PPARGC1B: variants seen among roughly 807,000 people sequenced by gnomAD.
PPARGC1B encodes the protein peroxisome proliferator-activated receptor gamma coactivator 1-beta.
Under a neutral mutation model 101.6 loss-of-function variants are expected in PPARGC1B, and 34 were observed. The ratio of observed to expected loss-of-function variants is 0.33; its 90% CI spans 0.25 to 0.45. PPARGC1B has a LOEUF of 0.45. Among genes scored for constraint, PPARGC1B ranks in the 20% least tolerant of loss-of-function variants. The pLI is 1.00. For synonymous variants in PPARGC1B, 548 were observed against 539.3 expected, an observed-to-expected ratio of 1.02 and a Z score of -0.22; for missense variants, 1,234 against 1,317.6, an observed-to-expected ratio of 0.94 and a Z score of 0.98.
downstream of PPARGC1B, among the ~76,000 whole-genome samples, chr5:149,857,451 G>A (rs185181358): frequency 3.5e-4 from 53 of 152,324 alleles, no homozygotes; most frequent in African/African-American, 1.0e-3. Context: ...ATCAATGCCC[G>A]TGTGTTCCTG....
At chr5:149,761,717 G>A (rs1227879556) in intron 1 of PPARGC1B, 1 of 152,140 alleles carries the variant, frequency 6.6e-6, no homozygotes, top group African/African-American at 2.4e-5. Flanking sequence ...AGTGAAATGA[G>A]CCAGATGCAG....
intron 1 of PPARGC1B, among the ~76,000 whole-genome samples, chr5:149,747,804 G>T (rs890141053): frequency 2.6e-5 from 4 of 152,222 alleles, no homozygotes; most frequent in Non-Finnish European, 4.4e-5. Context: ...CCCTGGTGGG[G>T]TGGGGGTGGA....
At chr5:149,810,426 C>T (rs750981454) in intron 1 of PPARGC1B, among the ~76,000 whole-genome samples, 12 of 152,128 alleles carry the variant, frequency 7.9e-5, no homozygotes, top group East Asian at 7.7e-4. Context: ...TAGCTGACCT[C>T]GGTGCTGAAG....
chr5:149,746,981 T>C (rs540793679), intron 1 of PPARGC1B, among the ~76,000 whole-genome samples: 9 of 152,336 alleles, frequency 5.9e-5, no homozygotes, highest in African/African-American at 2.2e-4. Context: ...TTTAGTTCTC[T>C]TTACATTTGA....
intron 1 of PPARGC1B, among the ~76,000 whole-genome samples, chr5:149,749,509 G>C (rs1755211042): frequency 6.6e-6 from 1 of 152,164 alleles, no homozygotes; most frequent in South Asian, 2.1e-4. Context: ...TCTTTTTGGA[G>C]CAATGATCTC....
chr5:149,759,084 T>C (rs925972984), intron 1 of PPARGC1B, among the ~76,000 whole-genome samples: 2 of 152,214 alleles, frequency 1.3e-5, no homozygotes. Context: ...CACATATTTA[T>C]TTTTCCTTTA....
At chr5:149,800,927 G>A (rs1468719675) in intron 1 of PPARGC1B, among the ~76,000 whole-genome samples, 2 of 152,238 alleles carry the variant, frequency 1.3e-5, no homozygotes, top group African/African-American at 2.4e-5. Context: ...CGCCTCCCTT[G>A]GCCATGACCC....
intron 1 of PPARGC1B, among the ~76,000 whole-genome samples, chr5:149,810,134 C>G (rs945114657): frequency 9.9e-5 from 15 of 152,198 alleles, no homozygotes; most frequent in African/African-American, 3.6e-4. Flanking sequence ...CAACATGTAC[C>G]TGTACATCAT....
chr5:149,745,986 G>A (rs958364033), intron 1 of PPARGC1B, among the ~76,000 whole-genome samples: 35 of 152,274 alleles, frequency 2.3e-4, no homozygotes, highest in African/African-American at 7.9e-4. Flanking sequence ...GATGTATCAG[G>A]CCCCTTAAAG....
rs1444329104 is a variant in PPARGC1B, at chr5:149,832,715, A to G, written c.642A>G (p.Thr214=). Residue 214 remains threonine (T), a synonymous_variant, in exon 5 of 12, where the codon ACA becomes ACG. Transcript: ENST00000309241. This position sits in a 1 kb window ranked among gnomAD's most constrained non-coding sequence, Gnocchi z 4.9. ...PMMQSQSRSC[T]ELHKHLTSAQ... is the part of the protein sequence containing the mutation. ...TGCAGTCTCAGAGCCGAAGTTGTAC[A>G]GAACTACATAAGCACCTCACCTCGG... is the stretch of plus-strand genomic sequence containing the variant. 4 of 1,587,344 alleles carry G rather than the reference A, an allele frequency of 2.5e-6. No homozygotes were observed. Among genetic ancestry groups the G allele is most frequent in the African/African-American group, 1.4e-5 (1 of 73,974 alleles).
chr5:149,843,632 C>G (rs1759435371), intron 10 of PPARGC1B, among the ~76,000 whole-genome samples: 1 of 152,166 alleles, frequency 6.6e-6, no homozygotes, highest in Non-Finnish European at 1.5e-5. Flanking sequence ...CCAGCCATTC[C>G]ACTTACGGGT....
rs1231996831 is a variant in PPARGC1B at position 149,849,364 on chromosome 5, C to T, written c.*1806C>T. The T allele has an allele frequency of 6.6e-6, 1 of 152,232 alleles. No individual in the cohort carries two copies. The highest frequency in any genetic ancestry group is 1.5e-5 in the Non-Finnish European group (1 of 68,036). 9.4% of individuals were successfully genotyped at this position (152,232 alleles called of 1,614,324 possible). On this transcript the variant is annotated 3_prime_UTR_variant, in exon 12 of 12. Transcript: ENST00000309241. ...TTGTGTGTCACAGCAGTTGACCTCT[C>T]TGGACTCCAATTTCCTTTCCTGTGA...
chr5:149,730,373 G>C lies in PPARGC1B; in HGVS notation c.31G>C (p.Asp11His). 6.3e-7 allele frequency: 1 copy of C among 1,575,084 alleles called. No homozygotes were observed. Among genetic ancestry groups the C allele is most frequent in the Non-Finnish European group, 8.6e-7 (1 of 1,163,422 alleles). MAGNDCGALL[D>H]EELSSFFLNY... Reference sequence around the variant, plus strand: ...GGGGAACGACTGCGGCGCGCTGCTGGACGAAGAGCTCTCCTCCTTCTTCCT... The same window carrying C: ...GGGGAACGACTGCGGCGCGCTGCTGCACGAAGAGCTCTCCTCCTTCTTCCT... The change falls in exon 1 of 12, where the codon GAC becomes CAC. Residue 11 changes from aspartate to histidine, a missense_variant. Asp to His is a moderately conservative substitution (Grantham distance 81, BLOSUM62 -1). Coordinates refer to ENST00000309241, the MANE Select transcript of PPARGC1B (RefSeq NM_133263.4). This position sits in a 1 kb window ranked among gnomAD's most constrained non-coding sequence, Gnocchi z 4.0.
chr5:149,747,798 G>A (rs978512197), intron 1 of PPARGC1B, among the ~76,000 whole-genome samples: 16 of 152,200 alleles, frequency 1.1e-4, no homozygotes, highest in African/African-American at 3.9e-4. Context: ...ACACCTCCCT[G>A]GTGGGGTGGG....
intron 2 of PPARGC1B, among the ~76,000 whole-genome samples, chr5:149,826,149 G>A (rs1404414664): frequency 6.6e-6 from 1 of 152,206 alleles, no homozygotes; most frequent in Non-Finnish European, 1.5e-5. Flanking sequence ...CCTCAGGAGT[G>A]AATGAGGAGA....
Position 149,837,080 on chromosome 5 carries a change from A to G in PPARGC1B, c.2618+7A>G. The G allele has an allele frequency of 5.0e-6, 8 of 1,599,586 alleles. No homozygotes were observed. The highest frequency in any genetic ancestry group is 6.8e-6 in the Non-Finnish European group (8 of 1,171,176). ...CCACTCGAAGGAACTTCAGGTATGAACAGGGGGCTGCAGGAGAGGCAGCGG... is the reference window on the plus strand; with the variant it reads ...CCACTCGAAGGAACTTCAGGTATGAGCAGGGGGCTGCAGGAGAGGCAGCGG... On this transcript the variant is annotated splice_region_variant and intron_variant, in intron 8 of 11. Coordinates refer to ENST00000309241, the MANE Select transcript of PPARGC1B (RefSeq NM_133263.4). This position sits in a 1 kb window ranked among gnomAD's most constrained non-coding sequence, Gnocchi z 4.2.
intron 1 of PPARGC1B, among the ~76,000 whole-genome samples, chr5:149,768,441 A>AT (rs34427591): frequency 0.034 from 4,384 of 127,518 alleles, 111 homozygotes; most frequent in South Asian, 0.048. Context: ...TGCCTGGCTA[A>AT]TTTTTTTTTT....
intron 4 of PPARGC1B, 65 bp downstream of exon 4, chr5:149,830,948 G>T: frequency 9.0e-7 from 1 of 1,116,422 alleles, no homozygotes; most frequent in South Asian, 1.3e-5. Context: ...TTCAGCTCTG[G>T]TGGAGGATAG....
chr5:149,801,052 G>T (rs968532466), intron 1 of PPARGC1B, among the ~76,000 whole-genome samples: 5 of 152,146 alleles, frequency 3.3e-5, no homozygotes, highest in African/African-American at 1.2e-4. Context: ...CCATGTGTAT[G>T]GGGAATGAAG....
Sources: gnomAD v4.1 joint callset for allele counts (sites outside exome capture counted in the v4.1 genomes callset) on GRCh38, gnomAD v4.1.1 for gene constraint, Gnocchi (gnomAD v3.1) non-coding constraint, MANE v1.5 for transcripts, NCBI Gene and HGNC (gene_info 2026-07-23, HGNC 2026-07-21) for gene names.